ST3GAL5: variants seen among roughly 807,000 people sequenced by gnomAD.
The protein encoded by ST3GAL5 is ST3 beta-galactoside alpha-2,3-sialyltransferase 5, also known as lactosylceramide alpha-2,3-sialyltransferase.
In ST3GAL5, 25 loss-of-function variants were observed where a neutral mutation model predicts 46.1. The ratio of observed to expected loss-of-function variants is 0.54; its 90% CI spans 0.40 to 0.76. The LOEUF (loss-of-function observed/expected upper bound fraction) is 0.76, where lower values mean the gene tolerates loss of function less well. Among genes scored for constraint, ST3GAL5 ranks in the 30% least tolerant of loss-of-function variants. The probability of loss-of-function intolerance (pLI) is 0.00; values close to 1 mark genes in which losing one functional copy is unlikely to be tolerated. For synonymous variants in ST3GAL5, 182 were observed against 192.7 expected (o/e 0.94, Z 0.46); for missense variants, 431 against 521.2 (o/e 0.83, Z 1.69).
chr2:85,881,511 C>G (rs1285734334), intron 1 of ST3GAL5, among the ~76,000 whole-genome samples: 1 of 152,128 alleles, frequency 6.6e-6, no homozygotes, highest in African/African-American at 2.4e-5. Flanking sequence ...AATAAATATC[C>G]AGGTTGAGGT....
In ST3GAL5 at chr2:85,863,416, G is replaced by A. The variant is rs1326738565; in HGVS notation, c.152C>T (p.Thr51Ile). 1 of 1,614,064 alleles carries A rather than the reference G, an allele frequency of 6.2e-7. No individual in the cohort carries two copies. The highest frequency in any genetic ancestry group is 1.3e-5 in the African/African-American group (1 of 74,910). ...CCTTCTCATCTTGCTTTGAGCTCGG[G>A]TGTACCATTGCAGGGAAGGCCTCGA... The part of the protein sequence containing the change: ...DCSRPSLQWY[T>I]RAQSKMRRPS... Residue 51 changes from threonine (T) to isoleucine (I), a missense_variant, in exon 2 of 7, where the codon ACC becomes ATC. Transcript: ENST00000638572.
intron 4 of ST3GAL5, 166 bp from the exon 5 acceptor site, chr2:85,846,729 G>A (rs975593693): frequency 1.4e-5 from 9 of 650,962 alleles, no homozygotes; most frequent in Non-Finnish European, 1.9e-5. Context: ...CTAGGATTTC[G>A]AGGAATGCAG....
At position 85,844,415 on chromosome 2, in the gene ST3GAL5, C is replaced by G; in HGVS notation, c.989G>C (p.Arg330Thr). 6.2e-7 allele frequency: 1 copy of G among 1,614,192 alleles called. No homozygotes were observed. The highest frequency in any genetic ancestry group is 8.5e-7 in the Non-Finnish European group (1 of 1,180,046). ...AAATACCTTATCTCGGCCCCAGAACCTTGACTGAGGCTCTGAGTACTGAAG... is the reference window on the plus strand; with the variant it reads ...AAATACCTTATCTCGGCCCCAGAACGTTGACTGAGGCTCTGAGTACTGAAG... ...DILQYSEPQS[R>T]FWGRDKNVPT... Residue 330 changes from arginine (R) to threonine (T), a missense_variant, in exon 6 of 7, where the codon AGG (arginine) becomes ACG (threonine). Coordinates refer to ENST00000638572, the MANE Select transcript of ST3GAL5 (RefSeq NM_003896.4).
At chr2:85,863,767 G>A (rs1684983729) in intron 1 of ST3GAL5, among the ~76,000 whole-genome samples, 1 of 151,760 alleles carries the variant, frequency 6.6e-6, no homozygotes, top group Non-Finnish European at 1.5e-5. Context: ...GAGTGCAGTG[G>A]CGTGATCTCA....
At chr2:85,880,562 G>A (rs1210231083) in intron 1 of ST3GAL5, among the ~76,000 whole-genome samples, 1 of 152,182 alleles carries the variant, frequency 6.6e-6, no homozygotes, top group African/African-American at 2.4e-5. Context: ...GGTGGCTCAT[G>A]CCTGTAATCC....
At chr2:85,873,423 G>T (rs950184787) in intron 1 of ST3GAL5, among the ~76,000 whole-genome samples, 1 of 152,156 alleles carries the variant, frequency 6.6e-6, no homozygotes, top group Admixed American at 6.5e-5. Flanking sequence ...ATTTTATTCA[G>T]GAAGGGGACA....
intron 3 of ST3GAL5, chr2:85,858,184 C>G (rs942005811): frequency 6.6e-6 from 1 of 152,242 alleles, no homozygotes; most frequent in African/African-American, 2.4e-5. Context: ...CCCCAGGTTA[C>G]GAAACCAGCC....
intron 3 of ST3GAL5, among the ~76,000 whole-genome samples, chr2:85,857,955 C>G (rs1370030568): frequency 6.6e-6 from 1 of 152,104 alleles, no homozygotes; most frequent in East Asian, 1.9e-4. Flanking sequence ...CAGACATAGT[C>G]CCTACTCTCA....
chr2:85,851,093 T>C (rs1345033639), intron 3 of ST3GAL5: 3 of 232,950 alleles, frequency 1.3e-5, no homozygotes, highest in Admixed American at 5.9e-5. Flanking sequence ...CTTTTTGTAT[T>C]TTCAGTACAG....
chr2:85,888,097 G>T (rs554320172), intron 1 of ST3GAL5: 32 of 152,254 alleles, frequency 2.1e-4, no homozygotes, highest in African/African-American at 7.5e-4. Context: ...CCATCGGCAG[G>T]GTAAGCTTCT....
At chr2:85,847,716 G>A in intron 4 of ST3GAL5, 145 bp downstream of exon 4, 1 of 1,345,904 alleles carries the variant, frequency 7.4e-7, no homozygotes, top group Middle Eastern at 2.7e-4. Flanking sequence ...GATCTCCTGA[G>A]CCTGGGAAGT....
At chr2:85,846,133 C>G in intron 5 of ST3GAL5, 1 of 463,412 alleles carries the variant, frequency 2.2e-6, no homozygotes, top group South Asian at 2.3e-5. Flanking sequence ...GATGCGGAGG[C>G]TGCAGAGAGC....
At chr2:85,888,432 C>G (rs1688010502) in intron 1 of ST3GAL5, 1 of 157,414 alleles carries the variant, frequency 6.4e-6, no homozygotes, top group Non-Finnish European at 1.4e-5. Context: ...CTGCTAGTAA[C>G]CTTGCAGGGG....
intron 1 of ST3GAL5, chr2:85,887,554 G>C (rs1687889941): frequency 6.6e-6 from 1 of 152,224 alleles, no homozygotes; most frequent in Non-Finnish European, 1.5e-5. Flanking sequence ...CTCGCAGTTC[G>C]TATGAATCTC....
chr2:85,840,942 CAAAAAAAAAAAA>C (rs1272089535), intron 6 of ST3GAL5, among the ~76,000 whole-genome samples: 1 of 24,186 alleles, frequency 4.1e-5, no homozygotes, highest in Admixed American at 4.8e-4. Context: ...GACTCTGTCT[CAAAAAAAAAAAA>C]AAAAAAAAAA....
At chr2:85,852,858 AC>A in intron 3 of ST3GAL5, 1 of 1,303,426 alleles carries the variant, frequency 7.7e-7, no homozygotes, top group South Asian at 1.2e-5. Context: ...CAGTTTTCTT[AC>A]CTCTAAGATA....
intron 6 of ST3GAL5, among the ~76,000 whole-genome samples, chr2:85,843,012 C>T (rs931202807): frequency 6.6e-6 from 1 of 152,154 alleles, no homozygotes; most frequent in African/African-American, 2.4e-5. Context: ...CCCGCCTCAG[C>T]CTCCCAAAGT....
intron 6 of ST3GAL5, among the ~76,000 whole-genome samples, chr2:85,843,343 A>T (rs1242419352): frequency 6.6e-6 from 1 of 152,204 alleles, no homozygotes; most frequent in East Asian, 1.9e-4. Flanking sequence ...TATTGCCAAA[A>T]TATCCTCCAG....
At chr2:85,863,233 T>G in intron 2 of ST3GAL5, 129 bp downstream of exon 2, 1 of 1,552,080 alleles carries the variant, frequency 6.4e-7, no homozygotes, top group Non-Finnish European at 8.8e-7. Context: ...TTTGAATGTC[T>G]GAGGCATCCT....
Sources: gnomAD v4.1 joint callset for allele counts (sites outside exome capture counted in the v4.1 genomes callset) on GRCh38, gnomAD v4.1.1 for gene constraint, MANE v1.5 for transcripts, NCBI Gene and HGNC (gene_info 2026-07-23, HGNC 2026-07-21) for gene names.